Variants in RNF150 observed in about 807,000 individuals in gnomAD.
RNF150 encodes the protein ring finger protein 150.
Under a neutral mutation model 39.3 loss-of-function variants are expected in RNF150, and 24 were observed. The ratio of observed to expected loss-of-function variants is 0.61; its 90% CI spans 0.44 to 0.86. The LOEUF is 0.86. Among genes scored for constraint, RNF150 ranks in the 40% least tolerant of loss-of-function variants. The pLI, the probability that RNF150 is intolerant of heterozygous loss-of-function variation, is 0.00. For synonymous variants in RNF150, 255 were observed against 227.3 expected (o/e 1.12, Z -1.10); for missense variants, 502 against 587.8 (o/e 0.85, Z 1.51).
Position 140,925,989 on chromosome 4 carries a change from G to A in RNF150, c.975C>T (p.Ala325=). ...CPMCKMNILK[A]LGIPPNADCM... is the part of the protein sequence containing the mutation. ...GTGCTGTGCTTACCGGGATCCCTAGGGCTTTAAGAATGTTCATCTTGCACA... is the reference window on the plus strand; with the variant it reads ...GTGCTGTGCTTACCGGGATCCCTAGAGCTTTAAGAATGTTCATCTTGCACA... Residue 325 remains alanine (A), a synonymous_variant, in exon 5 of 7, where the codon GCC becomes GCT. Coordinates refer to ENST00000515673, the MANE Select transcript of RNF150 (RefSeq NM_020724.2). The A allele has an allele frequency of 6.2e-7, 1 of 1,611,928 alleles. No individual in the cohort carries two copies. Among genetic ancestry groups the A allele is most frequent in the South Asian group, 1.1e-5 (1 of 91,028 alleles).
chr4:140,957,354 C>T (rs1732803221), intron 2 of RNF150, among the ~76,000 whole-genome samples: 1 of 151,774 alleles, frequency 6.6e-6, no homozygotes, highest in Admixed American at 6.6e-5. Flanking sequence ...CAATGAGATA[C>T]CATCTCACAC....
intron 1 of RNF150, among the ~76,000 whole-genome samples, chr4:141,006,685 T>A (rs998207776): frequency 1.3e-5 from 2 of 152,228 alleles, no homozygotes; most frequent in East Asian, 3.8e-4. Flanking sequence ...AATTTCCACC[T>A]GTGACGTTCA....
intron 1 of RNF150, among the ~76,000 whole-genome samples, chr4:141,000,520 A>G (rs1000283498): frequency 1.3e-5 from 2 of 152,210 alleles, no homozygotes; most frequent in African/African-American, 2.4e-5. Flanking sequence ...AGCAACACCC[A>G]ATTGCCATGC....
intron 1 of RNF150, among the ~76,000 whole-genome samples, chr4:141,067,109 G>A (rs771588705): frequency 1.3e-5 from 2 of 152,084 alleles, no homozygotes; most frequent in Non-Finnish European, 2.9e-5. Context: ...CATATATGTG[G>A]TCCATCATTA....
intron 1 of RNF150, among the ~76,000 whole-genome samples, chr4:141,202,493 T>A (rs1480976676): frequency 1.3e-5 from 2 of 152,106 alleles, no homozygotes; most frequent in Non-Finnish European, 2.9e-5. Context: ...TTACTAGGTG[T>A]GAGTTTAAAG....
At chr4:141,187,278 G>A (rs933539410) in intron 1 of RNF150, among the ~76,000 whole-genome samples, 1 of 152,054 alleles carries the variant, frequency 6.6e-6, no homozygotes, top group African/African-American at 2.4e-5. Flanking sequence ...CAATTATATG[G>A]TCAATTTTAG....
chr4:141,170,654 A>G (rs1411934579), intron 1 of RNF150, among the ~76,000 whole-genome samples: 1 of 152,212 alleles, frequency 6.6e-6, no homozygotes, highest in Non-Finnish European at 1.5e-5. Flanking sequence ...CTGAAATTAT[A>G]CATCCATTAT....
chr4:140,868,459 A>G, intron 6 of RNF150, 80 bp from the exon 7 acceptor site: 2 of 819,864 alleles, frequency 2.4e-6, no homozygotes, highest in Admixed American at 3.9e-5. Flanking sequence ...ATTGCTTGTA[A>G]TAACATTTCT....
intron 6 of RNF150, among the ~76,000 whole-genome samples, chr4:140,885,123 A>G (rs78242226): frequency 0.021 from 3,243 of 151,484 alleles, 129 homozygotes; most frequent in African/African-American, 0.069. Flanking sequence ...GTTTTTTTCA[A>G]CATGGCTGTA....
intron 2 of RNF150, among the ~76,000 whole-genome samples, chr4:140,954,775 T>C (rs1732678581): frequency 6.6e-6 from 1 of 152,124 alleles, no homozygotes; most frequent in South Asian, 2.1e-4. Flanking sequence ...TTTAAGAAAC[T>C]GAGAAAAATA....
At chr4:141,116,927 T>C (rs1470974882) in intron 1 of RNF150, among the ~76,000 whole-genome samples, 1 of 149,340 alleles carries the variant, frequency 6.7e-6, no homozygotes, top group Non-Finnish European at 1.5e-5. Context: ...TACTCATAAG[T>C]GGGAGCTGAA....
At chr4:141,022,609 C>T (rs997467532) in intron 1 of RNF150, among the ~76,000 whole-genome samples, 2 of 152,148 alleles carry the variant, frequency 1.3e-5, no homozygotes, top group African/African-American at 4.8e-5. Flanking sequence ...GAGCATATGG[C>T]ATTTTCCTCA....
At chr4:140,984,747 T>C (rs182485111) in intron 1 of RNF150, among the ~76,000 whole-genome samples, 1 of 152,272 alleles carries the variant, frequency 6.6e-6, no homozygotes, top group East Asian at 1.9e-4. Flanking sequence ...AAGGAGGAAT[T>C]GCTACCACCT....
At chr4:141,098,471 C>T (rs756555203) in intron 1 of RNF150, among the ~76,000 whole-genome samples, 1 of 152,218 alleles carries the variant, frequency 6.6e-6, no homozygotes, top group Non-Finnish European at 1.5e-5. Flanking sequence ...TTGCCTCATA[C>T]TGGGAGTCAA....
chr4:141,083,354 C>T (rs1230416885), intron 1 of RNF150, among the ~76,000 whole-genome samples: 1 of 152,214 alleles, frequency 6.6e-6, no homozygotes, highest in African/African-American at 2.4e-5. Flanking sequence ...ATGACTCTCA[C>T]TGGAAATTCT....
At chr4:141,199,240 C>T (rs946762232) in intron 1 of RNF150, among the ~76,000 whole-genome samples, 1 of 152,078 alleles carries the variant, frequency 6.6e-6, no homozygotes, top group African/African-American at 2.4e-5. Flanking sequence ...GTGGATATAG[C>T]GCAATTAGAA....
intron 1 of RNF150, among the ~76,000 whole-genome samples, chr4:141,112,408 T>C (rs1739413825): frequency 6.6e-6 from 1 of 152,210 alleles, no homozygotes; most frequent in African/African-American, 2.4e-5. Flanking sequence ...GGACCTCTTG[T>C]AATGCAGGCC....
intron 1 of RNF150, among the ~76,000 whole-genome samples, chr4:141,105,161 C>T (rs1458238914): frequency 2.6e-5 from 4 of 152,112 alleles, no homozygotes; most frequent in African/African-American, 4.8e-5. Flanking sequence ...AATGAAAGTA[C>T]CAAATGTATG....
chr4:140,975,779 A>G (rs1461346066), intron 1 of RNF150, among the ~76,000 whole-genome samples: 1 of 152,148 alleles, frequency 6.6e-6, no homozygotes, highest in African/African-American at 2.4e-5. Flanking sequence ...GCACCAAGAA[A>G]CAACCAATGA....
Sources: gnomAD v4.1 joint callset for allele counts (sites outside exome capture counted in the v4.1 genomes callset) on GRCh38, gnomAD v4.1.1 for gene constraint, MANE v1.5 for transcripts, NCBI Gene and HGNC (gene_info 2026-07-23, HGNC 2026-07-21) for gene names.